VPS4B: variants seen among roughly 807,000 people sequenced by gnomAD.
The protein encoded by VPS4B is vacuolar protein sorting-associated protein 4B.
A neutral mutation model predicts 56.1 loss-of-function variants in VPS4B; 23 were observed. That is an observed-to-expected ratio of 0.41 (90% CI 0.30 to 0.58). The LOEUF (loss-of-function observed/expected upper bound fraction) is 0.58. VPS4B is among the 20% of genes least tolerant of loss of function. The pLI is 0.29. For synonymous variants in VPS4B, 177 were observed against 186.0 expected, an observed-to-expected ratio of 0.95 and a Z score of 0.39; for missense variants, 372 against 531.9, an observed-to-expected ratio of 0.70 and a Z score of 2.96.
At chr18:63,420,187 C>T (rs1370063595) in intron 1 of VPS4B, among the ~76,000 whole-genome samples, 1 of 152,184 alleles carries the variant, frequency 6.6e-6, no homozygotes, top group South Asian at 2.1e-4. Flanking sequence ...GTGGCTCACA[C>T]CTGTAACCCA....
chr18:63,404,908 C>T (rs535666752), intron 4 of VPS4B, among the ~76,000 whole-genome samples: 54 of 151,820 alleles, frequency 3.6e-4, no homozygotes, highest in South Asian at 6.2e-4. Flanking sequence ...TTTTGTATTC[C>T]AAAAGTTCAG....
At chr18:63,404,463 A>C (rs562636769) in intron 4 of VPS4B, 2 of 152,206 alleles carry the variant, frequency 1.3e-5, no homozygotes, top group African/African-American at 4.8e-5. Context: ...TTTGGCTGCT[A>C]AATAGATCTA....
At chr18:63,402,063 T>G (rs1915824448) in intron 5 of VPS4B, among the ~76,000 whole-genome samples, 1 of 152,112 alleles carries the variant, frequency 6.6e-6, no homozygotes, top group Admixed American at 6.5e-5. Context: ...GTACACAGTA[T>G]CTGCAAAAGA....
intron 1 of VPS4B, 121 bp from the exon 2 acceptor site, chr18:63,411,699 G>C: frequency 3.6e-6 from 2 of 562,572 alleles, no homozygotes; most frequent in Non-Finnish European, 5.5e-6. Flanking sequence ...GGCTGTGAAA[G>C]AAAACAAAAA....
At chr18:63,410,137 C>G (rs997439804) in intron 3 of VPS4B, among the ~76,000 whole-genome samples, 153 bp downstream of exon 3, 2 of 152,164 alleles carry the variant, frequency 1.3e-5, no homozygotes, top group Admixed American at 6.5e-5. Flanking sequence ...AGAATGGGCA[C>G]GGCTGTGTTC....
At chr18:63,413,831 C>T (rs923512517) in intron 1 of VPS4B, among the ~76,000 whole-genome samples, 1 of 152,152 alleles carries the variant, frequency 6.6e-6, no homozygotes, top group African/African-American at 2.4e-5. Context: ...ATGGGAGGAA[C>T]AGGTCTCCCG....
intron 10 of VPS4B, among the ~76,000 whole-genome samples, chr18:63,392,587 T>C (rs1295422371): frequency 6.6e-6 from 1 of 151,588 alleles, no homozygotes; most frequent in Non-Finnish European, 1.5e-5. Context: ...TAGCTGGGAC[T>C]ACACGCACGT....
In VPS4B at chr18:63,390,624, A is replaced by C. The variant is rs1447486456; in HGVS notation, c.*351T>G. 6.5e-6 allele frequency: 1 copy of C among 154,422 alleles called. No individual in the cohort carries two copies. Among genetic ancestry groups the C allele is most frequent in the Non-Finnish European group, 1.4e-5 (1 of 69,810 alleles). 9.6% of individuals were successfully genotyped at this position (154,422 alleles called of 1,614,324 possible). A position where few individuals can be genotyped will look rare whatever the true frequency, so the allele number is the denominator to read the frequency against. ...TATAAAATAAACCCTATATCATTTTAGTAAAAAAAAAAGAAAATATAAATG... is the reference window on the plus strand; with the variant it reads ...TATAAAATAAACCCTATATCATTTTCGTAAAAAAAAAAGAAAATATAAATG... On this transcript the variant is annotated 3_prime_UTR_variant, in exon 11 of 11. Coordinates refer to ENST00000238497, the MANE Select transcript of VPS4B (RefSeq NM_004869.4).
chr18:63,403,897 A>C (rs552256355), intron 4 of VPS4B, 71 bp from the exon 5 acceptor site: 14 of 1,507,930 alleles, frequency 9.3e-6, no homozygotes, highest in Non-Finnish European at 1.3e-5. Flanking sequence ...ACATGAAATA[A>C]TGATGTTAAA....
Position 63,422,383 on chromosome 18 carries a change from G to A in VPS4B, c.-124C>T, listed in dbSNP as rs1568093913. 5.6e-6 allele frequency: 5 copies of A among 893,676 alleles called. No homozygotes were observed. The highest frequency in any genetic ancestry group is 2.4e-4 in the Middle Eastern group (1 of 4,186). The allele number at this position is 893,676 out of a possible 1,614,324, so 55.4% of individuals were successfully genotyped here. On this transcript the variant is annotated 5_prime_UTR_variant, in exon 1 of 11. Coordinates refer to ENST00000238497, the MANE Select transcript of VPS4B (RefSeq NM_004869.4). Reference sequence around the variant, plus strand: ...AGGCCGGTGGTTCTCGGACCGCGAAGGGCAGCCTCCCTTCCGGAACTTGTT... The same window carrying A: ...AGGCCGGTGGTTCTCGGACCGCGAAAGGCAGCCTCCCTTCCGGAACTTGTT...
At chr18:63,411,435 GT>G in intron 2 of VPS4B, 31 bp downstream of exon 2, 1 of 1,420,090 alleles carries the variant, frequency 7.0e-7, no homozygotes, top group Non-Finnish European at 9.4e-7. Context: ...TCCTTTTCGT[GT>G]TTTTAAATAA....
At chr18:63,417,245 G>C (rs562299658) in intron 1 of VPS4B, among the ~76,000 whole-genome samples, 1 of 152,054 alleles carries the variant, frequency 6.6e-6, no homozygotes, top group East Asian at 1.9e-4. Flanking sequence ...AACACTGTTC[G>C]GTGTTAGTTC....
intron 5 of VPS4B, among the ~76,000 whole-genome samples, chr18:63,402,161 C>A (rs993322092): frequency 2.0e-5 from 3 of 152,178 alleles, no homozygotes; most frequent in Non-Finnish European, 4.4e-5. Flanking sequence ...TACATGTATA[C>A]ATTTACAAGT....
At chr18:63,396,177 A>G (rs975498807) in intron 9 of VPS4B, among the ~76,000 whole-genome samples, 4 of 147,560 alleles carry the variant, frequency 2.7e-5, no homozygotes, top group African/African-American at 9.8e-5. Context: ...AAGTTTCTAT[A>G]CTTATATCAA....
intron 1 of VPS4B, among the ~76,000 whole-genome samples, chr18:63,417,192 T>C (rs1387112283): frequency 6.6e-6 from 1 of 152,210 alleles, no homozygotes; most frequent in African/African-American, 2.4e-5. Flanking sequence ...GATATTTCCA[T>C]CGACATACAA....
chr18:63,418,342 A>C (rs761650516), intron 1 of VPS4B, among the ~76,000 whole-genome samples: 5 of 152,128 alleles, frequency 3.3e-5, no homozygotes, highest in East Asian at 1.9e-4. Flanking sequence ...CGCAGCATTT[A>C]ACACACACAA....
rs138512484 is a variant in VPS4B at position 63,421,754 on chromosome 18, G to T, written c.27+479C>A. 1.1e-3 allele frequency among the ~76,000 whole-genome samples: 167 copies of T among 152,218 alleles called. 2 individuals carry two copies. The East Asian group carries it at 0.03, about 27-fold the overall frequency. ...GTGCACATAAATTCAATGACTTCAC[G>T]GAGATTGCATGCAGGCTGGCTGTAA... On this transcript the variant is annotated intron_variant, in intron 1 of 10. Transcript: ENST00000238497.
chr18:63,419,649 A>G (rs1471647232), intron 1 of VPS4B, among the ~76,000 whole-genome samples: 2 of 152,190 alleles, frequency 1.3e-5, no homozygotes, highest in Non-Finnish European at 2.9e-5. Flanking sequence ...CACTGTTCTC[A>G]ACCTTCTTGT....
chr18:63,402,794 C>G (rs143567788), intron 5 of VPS4B, among the ~76,000 whole-genome samples: 3 of 152,116 alleles, frequency 2.0e-5, no homozygotes, highest in Non-Finnish European at 4.4e-5. Context: ...GTAAACTGCA[C>G]CTTGAAGCTA....
Sources: allele counts gnomAD v4.1 joint callset (sites outside exome capture counted in the v4.1 genomes callset), GRCh38; gene constraint gnomAD v4.1.1; transcripts MANE v1.5; gene names NCBI Gene and HGNC (gene_info 2026-07-23, HGNC 2026-07-21).